Variants in NCAN observed in about 807,000 individuals in gnomAD.
The protein encoded by NCAN is neurocan core protein.
Under a neutral mutation model 121.8 loss-of-function variants are expected in NCAN, and 47 were observed. The ratio of observed to expected loss-of-function variants is 0.39; its 90% CI spans 0.31 to 0.49. The LOEUF (loss-of-function observed/expected upper bound fraction) is 0.49, where lower values mean the gene tolerates loss of function less well. NCAN is among the 20% of genes least tolerant of loss of function. The pLI, the probability that NCAN is intolerant of heterozygous loss-of-function variation, is 0.92. For synonymous variants in NCAN, 633 were observed against 702.0 expected, an observed-to-expected ratio of 0.90 and a Z score of 1.55; for missense variants, 1,517 against 1,773.4, an observed-to-expected ratio of 0.86 and a Z score of 2.60.
chr19:19,249,090 A>G, intron 14 of NCAN: 1 of 543,468 alleles, frequency 1.8e-6, no homozygotes, highest in East Asian at 3.2e-5. Flanking sequence ...TATGTGTATG[A>G]GAGAGAGATG....
intron 1 of NCAN, among the ~76,000 whole-genome samples, chr19:19,216,004 A>G (rs2146535177): frequency 6.6e-6 from 1 of 152,262 alleles, no homozygotes; most frequent in African/African-American, 2.4e-5. Context: ...TCCCCATCTG[A>G]CCCACAAAGA....
At position 19,241,258 on chromosome 19, in the gene NCAN, C is replaced by CA. The variant is rs55876064; in HGVS notation, c.3492+587dup. Among the ~76,000 whole-genome samples the CA allele has an allele frequency of 1.2e-3, 160 of 132,384 alleles. 1 individual carries two copies. The highest frequency in any genetic ancestry group is 4.0e-3 in the Middle Eastern group (1 of 248). The allele number at this position is 132,384 out of a possible 152,430, so 86.8% of individuals were successfully genotyped here. A position where few individuals can be genotyped will look rare whatever the true frequency, so the allele number is the denominator to read the frequency against. On this transcript the variant is annotated intron_variant, in intron 12 of 14. Coordinates refer to ENST00000252575, the MANE Select transcript of NCAN (RefSeq NM_004386.3). ...GTGATGATAGAACGAGATCCTGTCT[C>CA]AAAAAAAAAAAAAAGTATATATATG...
rs1415661514 is a variant in NCAN at position 19,227,922 on chromosome 19, A to G, written c.2302A>G (p.Thr768Ala). ...GGTCTTCGACACAGCAGAAAGCCCC[A>G]CTTCTGGCTTGCAGGCCACTGTAGA... is the stretch of plus-strand genomic sequence containing the variant. ...SGVFDTAESP[T>A]SGLQATVDEV... Residue 768 changes from threonine to alanine, a missense_variant, in exon 8 of 15, where the codon ACT becomes GCT. Thr to Ala is a moderately conservative substitution (Grantham distance 58). Coordinates refer to ENST00000252575, the MANE Select transcript of NCAN (RefSeq NM_004386.3). This position sits in a 1 kb window ranked among gnomAD's most constrained non-coding sequence, Gnocchi z 4.2. 4 of 1,613,566 alleles carry G rather than the reference A, an allele frequency of 2.5e-6. No individual in the cohort carries two copies. In the East Asian group the frequency reaches 6.7e-5, roughly 27 times the overall value.
intron 3 of NCAN, among the ~76,000 whole-genome samples, chr19:19,223,206 G>C (rs1259429124): frequency 1.3e-5 from 2 of 152,092 alleles, no homozygotes; most frequent in Non-Finnish European, 2.9e-5. Flanking sequence ...TTCCCTATTA[G>C]CGCATGCACT....
intron 12 of NCAN, among the ~76,000 whole-genome samples, chr19:19,243,776 C>G (rs556665438): frequency 2.4e-4 from 36 of 152,022 alleles, no homozygotes; most frequent in Non-Finnish European, 5.3e-4. Context: ...GCCTGTAATC[C>G]CAGCACTTTG....
intron 1 of NCAN, among the ~76,000 whole-genome samples, chr19:19,216,532 G>A (rs576736010): frequency 3.9e-5 from 6 of 152,004 alleles, no homozygotes; most frequent in African/African-American, 1.2e-4. Context: ...GGCTGGTCTC[G>A]AACCCCTGAC....
At chr19:19,231,414 C>T (rs531182408) in intron 8 of NCAN, among the ~76,000 whole-genome samples, 7 of 151,578 alleles carry the variant, frequency 4.6e-5, no homozygotes, top group Non-Finnish European at 5.9e-5. Context: ...GTGCAACCTC[C>T]GCCTCCCAGG....
intron 3 of NCAN, among the ~76,000 whole-genome samples, chr19:19,219,551 C>G (rs1386516615): frequency 2.0e-5 from 3 of 150,148 alleles, no homozygotes. Context: ...AAAAATTAGC[C>G]AGGCATGGTG....
At chr19:19,223,618 G>A (rs1273184320) in intron 3 of NCAN, among the ~76,000 whole-genome samples, 4 of 151,924 alleles carry the variant, frequency 2.6e-5, no homozygotes, top group Non-Finnish European at 2.9e-5. Context: ...GATTACAGAC[G>A]CATGCCACCA....
At position 19,250,516 on chromosome 19, in the gene NCAN, T is replaced by C. The variant is rs965475849; in HGVS notation, c.*605T>C. On this transcript the variant is annotated 3_prime_UTR_variant, in exon 15 of 15. Coordinates refer to ENST00000252575, the MANE Select transcript of NCAN (RefSeq NM_004386.3). ...ACGTACTGCATTTTAGGGATGTTTT[T>C]AGGACAACCTCCCTCCATGCCTTCA... 2.7e-5 allele frequency: 7 copies of C among 255,584 alleles called. No homozygotes were observed. Among genetic ancestry groups the C allele is most frequent in the Non-Finnish European group, 5.4e-5 (7 of 130,642 alleles). 15.8% of individuals were successfully genotyped at this position (255,584 alleles called of 1,614,324 possible). A position where few individuals can be genotyped will look rare whatever the true frequency, so the allele number is the denominator to read the frequency against.
At chr19:19,248,670 C>G in intron 13 of NCAN, 30 bp from the exon 14 acceptor site, 1 of 1,600,292 alleles carries the variant, frequency 6.2e-7, no homozygotes, top group Non-Finnish European at 8.5e-7. Flanking sequence ...GATGTGAGCA[C>G]CTCTCTCACT....
Position 19,227,985 on chromosome 19 carries a change from G to T in NCAN, c.2365G>T (p.Gly789Trp), listed in dbSNP as rs1046813986. The T allele has an allele frequency of 6.2e-7, 1 of 1,613,492 alleles. No individual in the cohort carries two copies. Among genetic ancestry groups the T allele is most frequent in the Non-Finnish European group, 8.5e-7 (1 of 1,179,990 alleles). ...QDPWPSVYSKGLDASSPSAPL... is the reference protein window; with the variant it reads ...QDPWPSVYSKWLDASSPSAPL... ...CCCCTGGCCCTCAGTGTACAGCAAA[G>T]GGCTGGATGCAAGTTCCCCATCTGC... Residue 789 changes from glycine (G) to tryptophan (W), a missense_variant, in exon 8 of 15, where the codon GGG becomes TGG. By Grantham distance (184) the Gly-to-Trp change is radical (BLOSUM62 -2). Transcript: ENST00000252575. This position sits in a 1 kb window ranked among gnomAD's most constrained non-coding sequence, Gnocchi z 4.2.
intron 3 of NCAN, among the ~76,000 whole-genome samples, chr19:19,221,020 C>T (rs1005444770): frequency 1.3e-5 from 2 of 152,050 alleles, no homozygotes; most frequent in Non-Finnish European, 1.5e-5. Flanking sequence ...ATCACTTAAG[C>T]TCAGGAGTTT....
chr19:19,245,750 T>C (rs1188167386), intron 13 of NCAN, among the ~76,000 whole-genome samples: 2 of 152,050 alleles, frequency 1.3e-5, no homozygotes, highest in Non-Finnish European at 2.9e-5. Context: ...AGTGCTGGGA[T>C]TATATGCATA....
Position 19,248,138 on chromosome 19 carries a change from AC to A in NCAN, c.3638-561del, listed in dbSNP as rs1312747275. On this transcript the variant is annotated intron_variant, in intron 13 of 14. Transcript: ENST00000252575. ...ACTCCAGCCTGAGCGACAAAGGAAG[AC>A]GCTCTTTTAAAAACAACAATAAGAG... Among the ~76,000 whole-genome samples, 8 of 151,964 alleles carry A rather than the reference AC, an allele frequency of 5.3e-5. No individual in the cohort carries two copies. In the East Asian group the frequency reaches 1.4e-3, roughly 26 times the overall value.
rs148196919 is a variant in NCAN, at chr19:19,228,241, C to T, written c.2621C>T (p.Thr874Met). 8.0e-5 allele frequency: 129 copies of T among 1,613,798 alleles called. No individual in the cohort carries two copies. The highest frequency in any genetic ancestry group is 9.9e-5 in the South Asian group (9 of 91,084). The change falls in exon 8 of 15, where the codon ACG (threonine) becomes ATG (methionine). Residue 874 changes from threonine (T) to methionine (M), a missense_variant. By Grantham distance (81) the Thr-to-Met change is moderately conservative. Transcript: ENST00000252575. ...ALDTSIVTPL[T>M]TLEQGDKVGV... Reference sequence around the variant, plus strand: ...GATACAAGCATTGTGACGCCCCTCACGACCCTGGAGCAGGGGGACAAGGTT... The same window carrying T: ...GATACAAGCATTGTGACGCCCCTCATGACCCTGGAGCAGGGGGACAAGGTT...
Position 19,250,108 on chromosome 19 carries a change from A to G in NCAN, c.*197A>G, listed in dbSNP as rs1284100743. 6 of 728,806 alleles carry G rather than the reference A, an allele frequency of 8.2e-6. No homozygotes were observed. The highest frequency in any genetic ancestry group is 1.5e-5 in the Non-Finnish European group (6 of 412,150). 45.1% of individuals were successfully genotyped at this position (728,806 alleles called of 1,614,324 possible). A position where few individuals can be genotyped will look rare whatever the true frequency, so the allele number is the denominator to read the frequency against. On this transcript the variant is annotated 3_prime_UTR_variant, in exon 15 of 15. Coordinates refer to ENST00000252575, the MANE Select transcript of NCAN (RefSeq NM_004386.3). ...TACACAAGATCCTCTTGGCAGGTGG[A>G]GCCAGGTGTCTGAAAAGTTCATTCT...
intron 12 of NCAN, among the ~76,000 whole-genome samples, chr19:19,241,551 A>G (rs1259753256): frequency 6.6e-6 from 1 of 152,072 alleles, no homozygotes; most frequent in East Asian, 1.9e-4. Flanking sequence ...ACAGTTAAAC[A>G]TAGAAGCTGG....
chr19:19,227,008 T>G lies in NCAN; in HGVS notation c.1595T>G (p.Leu532Trp). ...PPLAMAVTEM[L>W]GSGQSRSPWA... ...TTGGCCATGGCAGTCACAGAGATGTTGGGCAGTGGCCAGAGCCGGAGCCCC... is the reference window on the plus strand; with the variant it reads ...TTGGCCATGGCAGTCACAGAGATGTGGGGCAGTGGCCAGAGCCGGAGCCCC... The change falls in exon 7 of 15, where the codon TTG (leucine) becomes TGG (tryptophan). Residue 532 changes from leucine (L) to tryptophan (W), a missense_variant. Physicochemically the swap from Leu to Trp is moderately conservative, Grantham distance 61. Coordinates refer to ENST00000252575, the MANE Select transcript of NCAN (RefSeq NM_004386.3). The surrounding 1 kb of genome is among the most constrained non-coding windows in gnomAD (Gnocchi z 4.2). 1.3e-6 allele frequency: 2 copies of G among 1,527,822 alleles called. No homozygotes were observed. The highest frequency in any genetic ancestry group is 1.8e-6 in the Non-Finnish European group (2 of 1,138,718). 94.6% of individuals were successfully genotyped at this position (1,527,822 alleles called of 1,614,324 possible).
Sources: gnomAD v4.1 joint callset for allele counts (sites outside exome capture counted in the v4.1 genomes callset) on GRCh38, gnomAD v4.1.1 for gene constraint, Gnocchi (gnomAD v3.1) non-coding constraint, MANE v1.5 for transcripts, NCBI Gene and HGNC (gene_info 2026-07-23, HGNC 2026-07-21) for gene names.